Variants in PTK2 observed in about 807,000 individuals in gnomAD.
PTK2 encodes the protein focal adhesion kinase 1.
A neutral mutation model predicts 150.1 loss-of-function variants in PTK2; 45 were observed. The ratio of observed to expected loss-of-function variants is 0.30; its 90% CI spans 0.24 to 0.38. The LOEUF is 0.38. Among genes scored for constraint, PTK2 ranks in the 10% least tolerant of loss-of-function variants. The pLI is 1.00. For missense variants in PTK2, 919 were observed against 1,307.3 expected (o/e 0.70, Z 4.58); for synonymous variants, 432 against 449.2 (o/e 0.96, Z 0.48).
intron 12 of PTK2, among the ~76,000 whole-genome samples, chr8:140,796,739 A>G (rs1365082585): frequency 1.3e-5 from 2 of 152,172 alleles, no homozygotes; most frequent in Non-Finnish European, 2.9e-5. Context: ...CTCACTACCT[A>G]AAATGTCTAA....
At chr8:140,971,619 A>C (rs1208668658) in intron 1 of PTK2, among the ~76,000 whole-genome samples, 2 of 152,248 alleles carry the variant, frequency 1.3e-5, no homozygotes, top group African/African-American at 4.8e-5. Context: ...TTAAGTTTAC[A>C]AAGGAAAACA....
intron 11 of PTK2, 21 bp downstream of exon 11, chr8:140,803,522 A>G (rs762124774): frequency 6.4e-7 from 1 of 1,569,830 alleles, no homozygotes; most frequent in Non-Finnish European, 8.8e-7. Context: ...TCCCTTAATG[A>G]TGAACGTAAC....
chr8:140,957,374 T>G (rs2100181558), intron 1 of PTK2, among the ~76,000 whole-genome samples: 1 of 152,158 alleles, frequency 6.6e-6, no homozygotes, highest in Admixed American at 6.5e-5. Context: ...CACATTGTAC[T>G]GCTGTACAAT....
At chr8:140,937,040 T>G (rs2100173885) in intron 1 of PTK2, among the ~76,000 whole-genome samples, 1 of 152,102 alleles carries the variant, frequency 6.6e-6, no homozygotes. Context: ...AAAACAGATG[T>G]AAAGATAATT....
intron 5 of PTK2, among the ~76,000 whole-genome samples, chr8:140,863,250 TTATAA>T (rs769542226): frequency 2.6e-5 from 4 of 152,198 alleles, no homozygotes; most frequent in African/African-American, 9.7e-5. Flanking sequence ...AATTTGCTTA[TTATAA>T]TATACTTTCA....
chr8:140,986,017 G>T (rs1309331749), intron 1 of PTK2, among the ~76,000 whole-genome samples: 1 of 152,186 alleles, frequency 6.6e-6, no homozygotes. Context: ...ACCCATATTA[G>T]TGGTTTTCAA....
At chr8:140,950,689 C>T (rs62521933) in intron 1 of PTK2, among the ~76,000 whole-genome samples, 1 of 152,180 alleles carries the variant, frequency 6.6e-6, no homozygotes, top group Non-Finnish European at 1.5e-5. Context: ...GCTGGTGAAG[C>T]GGCATCCCAA....
At chr8:140,996,622 C>T (rs1848918) in intron 1 of PTK2, among the ~76,000 whole-genome samples, 1 of 152,200 alleles carries the variant, frequency 6.6e-6, no homozygotes, top group East Asian at 1.9e-4. Flanking sequence ...AAGAACGATG[C>T]TAATTCTACT....
At chr8:140,994,277 T>G (rs2100196801) in intron 1 of PTK2, among the ~76,000 whole-genome samples, 1 of 152,226 alleles carries the variant, frequency 6.6e-6, no homozygotes, top group South Asian at 2.1e-4. Context: ...TTCCTGCTTT[T>G]GTCTACAAAC....
chr8:140,929,198 C>G (rs1277373060), intron 1 of PTK2, among the ~76,000 whole-genome samples: 1 of 151,482 alleles, frequency 6.6e-6, no homozygotes. Context: ...ATCTCCTGAC[C>G]TCGTGATCCG....
chr8:140,925,849 C>T (rs1467167131), intron 1 of PTK2, 100 bp from the exon 2 acceptor site: 1 of 154,916 alleles, frequency 6.5e-6, no homozygotes. Context: ...TTACTGAGTA[C>T]TACTTGCCAG....
chr8:140,759,758 AC>A (rs2100068244), intron 16 of PTK2, among the ~76,000 whole-genome samples: 1 of 151,824 alleles, frequency 6.6e-6, no homozygotes, highest in African/African-American at 2.4e-5. Context: ...AGGGAGGATA[AC>A]TTGAGTTCAG....
At chr8:140,954,298 G>A (rs1587108959) in intron 1 of PTK2, among the ~76,000 whole-genome samples, 1 of 152,092 alleles carries the variant, frequency 6.6e-6, no homozygotes, top group South Asian at 2.1e-4. Flanking sequence ...TCAAACTCCT[G>A]AACTCAAGCA....
At chr8:140,972,325 C>T (rs2100187614) in intron 1 of PTK2, among the ~76,000 whole-genome samples, 1 of 152,134 alleles carries the variant, frequency 6.6e-6, no homozygotes, top group Non-Finnish European at 1.5e-5. Flanking sequence ...AGTACAGTGG[C>T]ATGATCTCGG....
chr8:140,898,606 C>A (rs1232785966), intron 2 of PTK2, among the ~76,000 whole-genome samples: 3 of 151,860 alleles, frequency 2.0e-5, no homozygotes, highest in Admixed American at 2.0e-4. Context: ...AGTTAAGCTC[C>A]AAGGTTCAAC....
intron 23 of PTK2, among the ~76,000 whole-genome samples, chr8:140,708,438 CAT>C (rs2100035002): frequency 6.6e-6 from 1 of 152,178 alleles, no homozygotes; most frequent in Admixed American, 6.5e-5. Flanking sequence ...CTAACATAAA[CAT>C]ATGTCCTCTG....
chr8:140,737,729 C>T (rs1592957211), intron 21 of PTK2, among the ~76,000 whole-genome samples: 2 of 152,104 alleles, frequency 1.3e-5, no homozygotes, highest in South Asian at 4.1e-4. Context: ...CTGTAAAATG[C>T]CACTGATTTT....
At chr8:140,873,851 G>A (rs2154606890) in intron 4 of PTK2, among the ~76,000 whole-genome samples, 1 of 152,268 alleles carries the variant, frequency 6.6e-6, no homozygotes, top group South Asian at 2.1e-4. Context: ...TTTGCAACTT[G>A]TTCTTGTACT....
intron 8 of PTK2, among the ~76,000 whole-genome samples, chr8:140,824,095 T>C (rs2100110485): frequency 6.6e-6 from 1 of 152,192 alleles, no homozygotes; most frequent in African/African-American, 2.4e-5. Flanking sequence ...TCAATTTGGT[T>C]TGATCCTCAT....
Sources: gnomAD v4.1 joint callset for allele counts (sites outside exome capture counted in the v4.1 genomes callset) on GRCh38, gnomAD v4.1.1 for gene constraint, MANE v1.5 for transcripts, NCBI Gene and HGNC (gene_info 2026-07-23, HGNC 2026-07-21) for gene names.